Variants in SFXN1 observed in about 807,000 individuals in gnomAD.
SFXN1 encodes sideroflexin 1.
Under a neutral mutation model 39.5 loss-of-function variants are expected in SFXN1, and 32 were observed. The ratio of observed to expected loss-of-function variants is 0.81; its 90% CI spans 0.61 to 1.09. The LOEUF is 1.09. Ranked by LOEUF, SFXN1 falls within the 50% of genes least tolerant of loss-of-function variation. The probability of loss-of-function intolerance (pLI) is 0.00; values close to 1 mark genes in which losing one functional copy is unlikely to be tolerated. For missense variants in SFXN1, 402 were observed against 407.1 expected, an observed-to-expected ratio of 0.99 and a Z score of 0.11; for synonymous variants, 136 against 146.5, an observed-to-expected ratio of 0.93 and a Z score of 0.52.
chr5:175,519,819 G>T (rs1026537426), intron 8 of SFXN1, among the ~76,000 whole-genome samples: 1 of 151,488 alleles, frequency 6.6e-6, no homozygotes, highest in Non-Finnish European at 1.5e-5. Flanking sequence ...TAGATCACTG[G>T]GGAAGAAAGA....
At chr5:175,525,061 G>A (rs534670415) in intron 10 of SFXN1, among the ~76,000 whole-genome samples, 1 of 152,288 alleles carries the variant, frequency 6.6e-6, no homozygotes, top group East Asian at 1.9e-4. Flanking sequence ...TCTCCCAACT[G>A]TCAAGAAACA....
At chr5:175,495,728 CA>C (rs70988287) in intron 2 of SFXN1, among the ~76,000 whole-genome samples, 38,987 of 139,348 alleles carry the variant, frequency 0.28, 5,377 homozygotes, top group South Asian at 0.45. Flanking sequence ...GACTTCGTCT[CA>C]AAAAAAAAAA....
chr5:175,511,662 T>C, intron 5 of SFXN1, 136 bp downstream of exon 5: 1 of 723,670 alleles, frequency 1.4e-6, no homozygotes, highest in Non-Finnish European at 2.3e-6. Flanking sequence ...CAGCTGCATA[T>C]TTTAGTTATA....
chr5:175,524,126 ATATAT>A (rs1248423087), intron 10 of SFXN1: 2 of 20,296 alleles, frequency 9.9e-5, no homozygotes, highest in African/African-American at 6.1e-4. Context: ...AAAAAAAAAA[ATATAT>A]ATATATATAT....
At chr5:175,504,573 C>CAAA (rs531492337) in intron 2 of SFXN1, among the ~76,000 whole-genome samples, 1 of 108,282 alleles carries the variant, frequency 9.2e-6, no homozygotes. Context: ...GACTCCATCT[C>CAAA]AAAAAAAAAA....
rs536233370 is a variant in SFXN1 at position 175,490,876 on chromosome 5, A to G, written c.-9-1219A>G. 6.0e-4 allele frequency among the ~76,000 whole-genome samples: 91 copies of G among 152,338 alleles called. 1 individual carries two copies. The highest frequency in any genetic ancestry group is 4.8e-3 in the South Asian group (23 of 4,832). On this transcript the variant is annotated intron_variant, in intron 1 of 10. Coordinates refer to ENST00000321442, the MANE Select transcript of SFXN1 (RefSeq NM_022754.7). ...CAAAAAAAACAAGATCTTAAAATAT[A>G]TAGTATGATATCAACTAATTTTTTA...
At chr5:175,499,673 A>T (rs1396720650) in intron 2 of SFXN1, among the ~76,000 whole-genome samples, 11 of 152,238 alleles carry the variant, frequency 7.2e-5, no homozygotes, top group Admixed American at 5.9e-4. Context: ...AAACCCTACG[A>T]CTAACATCAA....
At position 175,503,960 on chromosome 5, in the gene SFXN1, G is replaced by A. The variant is rs553358122; in HGVS notation, c.165-5072G>A. ...TAGAGGTTGCAGTAGCCGAGATTGC[G>A]CCATTGCACTCTAGCTTGGGAAACA... On this transcript the variant is annotated intron_variant, in intron 2 of 10. Transcript: ENST00000321442. Among the ~76,000 whole-genome samples, 14 of 138,122 alleles carry A rather than the reference G, an allele frequency of 1.0e-4. No individual in the cohort carries two copies. In the South Asian group the frequency reaches 2.4e-3, roughly 24 times the overall value. 90.6% of individuals were successfully genotyped at this position (138,122 alleles called of 152,430 possible).
At position 175,492,103 on chromosome 5, in the gene SFXN1, C is replaced by G; in HGVS notation, c.-1C>G. 2 of 1,612,044 alleles carry G rather than the reference C, an allele frequency of 1.2e-6. No homozygotes were observed. The highest frequency in any genetic ancestry group is 1.7e-6 in the Non-Finnish European group (2 of 1,179,306). ...TTTTTGACTCTTTGCAGTCCGGGAC[C>G]ATGTCTGGAGAACTACCACCAAACA... On this transcript the variant is annotated 5_prime_UTR_variant, in exon 2 of 11. Coordinates refer to ENST00000321442, the MANE Select transcript of SFXN1 (RefSeq NM_022754.7).
intron 2 of SFXN1, among the ~76,000 whole-genome samples, chr5:175,504,096 G>T (rs1760198533): frequency 6.6e-6 from 1 of 151,734 alleles, no homozygotes. Context: ...GAGGCAGAGA[G>T]AAAAAGGGAG....
intron 2 of SFXN1, among the ~76,000 whole-genome samples, chr5:175,500,151 G>A (rs917982845): frequency 7.2e-5 from 11 of 152,076 alleles, no homozygotes; most frequent in Non-Finnish European, 1.2e-4. Context: ...TTGCACCATT[G>A]TACTCCAGCC....
intron 1 of SFXN1, among the ~76,000 whole-genome samples, chr5:175,490,504 C>T (rs1445704889): frequency 1.3e-5 from 2 of 152,130 alleles, no homozygotes; most frequent in African/African-American, 4.8e-5. Flanking sequence ...CATTCACATC[C>T]GACATCTTAA....
Position 175,503,819 on chromosome 5 carries a change from A to G in SFXN1, c.165-5213A>G, listed in dbSNP as rs531879223. On this transcript the variant is annotated intron_variant, in intron 2 of 10. Transcript: ENST00000321442. Reference sequence around the variant, plus strand: ...GGAATTCGAGACCAGCCTGGCTAACATGGTGAAACCCCGTTTCTACTAAAA... The same window carrying G: ...GGAATTCGAGACCAGCCTGGCTAACGTGGTGAAACCCCGTTTCTACTAAAA... Among the ~76,000 whole-genome samples the G allele has an allele frequency of 1.1e-3, 165 of 152,296 alleles. 2 individuals carry two copies. Among genetic ancestry groups the G allele is most frequent in the Non-Finnish European group, 2.5e-4 (17 of 68,030 alleles).
At chr5:175,511,841 A>ATCTC (rs146338435) in intron 5 of SFXN1, among the ~76,000 whole-genome samples, 48 of 94,454 alleles carry the variant, frequency 5.1e-4, no homozygotes, top group African/African-American at 2.2e-3. Context: ...AGGCAAGAGC[A>ATCTC]TCTCTCTCTC....
intron 4 of SFXN1, chr5:175,510,430 A>G: frequency 2.0e-6 from 1 of 495,510 alleles, no homozygotes; most frequent in Non-Finnish European, 3.6e-6. Context: ...CTTCTCAGAC[A>G]TTACTCGTGC....
chr5:175,504,747 G>T (rs879385794), intron 2 of SFXN1, among the ~76,000 whole-genome samples: 1 of 151,854 alleles, frequency 6.6e-6, no homozygotes, highest in Non-Finnish European at 1.5e-5. Context: ...GGGCGGGGAG[G>T]GTGCGGAGTC....
chr5:175,499,258 A>G (rs749819691), intron 2 of SFXN1, among the ~76,000 whole-genome samples: 1 of 78,090 alleles, frequency 1.3e-5, no homozygotes, highest in South Asian at 6.7e-4. Context: ...CTGTCTCAAG[A>G]AAAAAAAAAA....
In SFXN1 at chr5:175,518,558, G is replaced by T. The variant is rs138935100; in HGVS notation, c.774+1895G>T. ...GCGTTTAAAGTTTGGGGCACAGAGG[G>T]AGCGCATAGGAGGTATCTTACCCAA... On this transcript the variant is annotated intron_variant, in intron 8 of 10. Transcript: ENST00000321442. Among the ~76,000 whole-genome samples the T allele has an allele frequency of 1.8e-3, 276 of 152,280 alleles. 1 individual carries two copies. The highest frequency in any genetic ancestry group is 6.4e-3 in the African/African-American group (266 of 41,560).
chr5:175,509,497 A>G (rs183024237), intron 3 of SFXN1: 113 of 196,970 alleles, frequency 5.7e-4, no homozygotes, highest in South Asian at 1.6e-3. Context: ...ATTATGTTTG[A>G]ATGTTGCTAC....
Sources: gnomAD v4.1 joint callset for allele counts (sites outside exome capture counted in the v4.1 genomes callset) on GRCh38, gnomAD v4.1.1 for gene constraint, MANE v1.5 for transcripts, NCBI Gene and HGNC (gene_info 2026-07-23, HGNC 2026-07-21) for gene names.